The following PCDHA5 variants were observed in gnomAD, a reference collection of about 807,000 sequenced individuals.
PCDHA5 encodes protocadherin alpha-5.
PCDHA5 carries 43 observed loss-of-function variants against 61.6 expected under a neutral mutation model. That is an observed-to-expected ratio of 0.70 (90% confidence interval 0.55 to 0.90). PCDHA5 has a LOEUF of 0.90. PCDHA5 is among the 40% of genes least tolerant of loss of function. The pLI is 0.00. For missense variants in PCDHA5, 1,298 were observed against 1,222.7 expected (o/e 1.06, Z -0.92); for synonymous variants, 627 against 543.9 (o/e 1.15, Z -2.13).
intron 1 of PCDHA5, chr5:140,850,860 C>T (rs2150500728): frequency 6.3e-7 from 1 of 1,593,350 alleles, no homozygotes; most frequent in Non-Finnish European, 8.6e-7. Flanking sequence ...AACGGGAGAA[C>T]CCTCTGCTTC....
At chr5:140,985,682 C>T (rs1261119986) in intron 3 of PCDHA5, among the ~76,000 whole-genome samples, 3 of 151,710 alleles carry the variant, frequency 2.0e-5, no homozygotes, top group African/African-American at 4.8e-5. Flanking sequence ...GCCTGCCTTA[C>T]GCTAATCCTC....
chr5:140,925,641 T>TATAATAATA (rs10569930), intron 1 of PCDHA5, among the ~76,000 whole-genome samples: 4,530 of 143,294 alleles, frequency 0.032, 85 homozygotes, highest in Middle Eastern at 0.043. Flanking sequence ...GAACTTAAAG[T>TATAATAATA]ATAATAATAA....
rs189687890 is a variant in PCDHA5 at position 140,972,728 on chromosome 5, A to G, written c.2353-6221A>G. ...TGCCAGGCTGGAGTGCAGTGGCGTA[A>G]TCCCGGCTCACTGCAACCTCCGCCT... On this transcript the variant is annotated intron_variant, in intron 1 of 3. Transcript: ENST00000529859. Among the ~76,000 whole-genome samples the G allele has an allele frequency of 6.0e-3, 882 of 147,958 alleles. 8 individuals carry two copies. Among genetic ancestry groups the G allele is most frequent in the African/African-American group, 0.021 (847 of 39,742 alleles).
chr5:140,950,270 G>A (rs980703743), intron 1 of PCDHA5, among the ~76,000 whole-genome samples: 1 of 151,960 alleles, frequency 6.6e-6, no homozygotes, highest in East Asian at 1.9e-4. Flanking sequence ...TATCCATAAT[G>A]TCTTTTTGCT....
At chr5:140,841,119 T>C (rs2150311398) in intron 1 of PCDHA5, 1 of 628,942 alleles carries the variant, frequency 1.6e-6, no homozygotes, top group African/African-American at 1.8e-5. Context: ...ATTCATGTAA[T>C]CATTACCTTT....
At chr5:140,856,911 T>C in intron 1 of PCDHA5, 2 of 1,595,928 alleles carry the variant, frequency 1.3e-6, no homozygotes, top group South Asian at 2.2e-5. Context: ...CCACCCACGA[T>C]AAGAAGGAAA....
At chr5:140,870,909 C>T (rs2052531275) in intron 1 of PCDHA5, 1 of 1,613,956 alleles carries the variant, frequency 6.2e-7, no homozygotes, top group East Asian at 2.2e-5. Flanking sequence ...ACTCAGGCTA[C>T]AACGCGTGGC....
intron 1 of PCDHA5, among the ~76,000 whole-genome samples, chr5:140,924,973 GCTCATGT>G (rs1447379119): frequency 2.0e-5 from 3 of 151,826 alleles, no homozygotes; most frequent in African/African-American, 7.2e-5. Flanking sequence ...GAGTGCAGTG[GCTCATGT>G]CTGTAATCCT....
chr5:140,988,201 A>C (rs2097286908), intron 3 of PCDHA5, among the ~76,000 whole-genome samples: 1 of 152,064 alleles, frequency 6.6e-6, no homozygotes, highest in Non-Finnish European at 1.5e-5. Context: ...GCATATCCTT[A>C]TTAGGAAAAA....
At position 140,821,679 on chromosome 5, in the gene PCDHA5, C is replaced by T. The variant is rs2150110054; in HGVS notation, c.-97C>T. 709,926 of 1,321,150 alleles carry T rather than the reference C, an allele frequency of 0.54. 193,036 individuals carry two copies. Among genetic ancestry groups the T allele is most frequent in the African/African-American group, 0.73 (48,927 of 67,094 alleles). The allele number at this position is 1,321,150 out of a possible 1,614,324, so 81.8% of individuals were successfully genotyped here. On this transcript the variant is annotated 5_prime_UTR_variant, in exon 1 of 4. Transcript: ENST00000529859. Reference sequence around the variant, plus strand: ...GGCTGTGCCAAGAAGCTCAGAAAGGCGATAATATAAAAAATATATAGTTAA... The same window carrying T: ...GGCTGTGCCAAGAAGCTCAGAAAGGTGATAATATAAAAAATATATAGTTAA...
At chr5:140,969,260 C>G (rs782595245) in intron 1 of PCDHA5, 1 of 1,614,228 alleles carries the variant, frequency 6.2e-7, no homozygotes, top group South Asian at 1.1e-5. Context: ...CAGCAGGAAT[C>G]TCACAGGCCA....
chr5:140,913,099 C>T (rs1413383908), intron 1 of PCDHA5, among the ~76,000 whole-genome samples: 4 of 152,132 alleles, frequency 2.6e-5, no homozygotes, highest in Non-Finnish European at 4.4e-5. Context: ...ATACTGGCCT[C>T]ATAGAATCAG....
chr5:140,975,516 G>T (rs1310855349), intron 1 of PCDHA5, among the ~76,000 whole-genome samples: 1 of 152,166 alleles, frequency 6.6e-6, no homozygotes, highest in Non-Finnish European at 1.5e-5. Flanking sequence ...TGCAAAATCT[G>T]CAGTGGATAT....
At chr5:140,873,452 C>G (rs147398020) in intron 1 of PCDHA5, among the ~76,000 whole-genome samples, 1 of 152,006 alleles carries the variant, frequency 6.6e-6, no homozygotes, top group South Asian at 2.1e-4. Context: ...AACAAATTTG[C>G]ATTTTAGATA....
At chr5:140,838,694 G>A (rs765335937) in intron 1 of PCDHA5, among the ~76,000 whole-genome samples, 2 of 151,960 alleles carry the variant, frequency 1.3e-5, no homozygotes, top group African/African-American at 4.8e-5. Context: ...CCAACATTTC[G>A]GGAGGCCGAG....
intron 1 of PCDHA5, chr5:140,875,613 C>G (rs2055652849): frequency 8.1e-6 from 13 of 1,613,708 alleles, no homozygotes; most frequent in Non-Finnish European, 1.1e-5. Flanking sequence ...TCGTGGGCCG[C>G]ATCGCTCAGG....
chr5:140,887,385 C>T (rs1015937560), intron 1 of PCDHA5, among the ~76,000 whole-genome samples: 3 of 152,124 alleles, frequency 2.0e-5, no homozygotes, highest in Admixed American at 6.5e-5. Context: ...TGTGAGCCAC[C>T]GCGCCCGGCT....
chr5:140,967,287 A>G (rs1458692984), intron 1 of PCDHA5: 1 of 1,612,826 alleles, frequency 6.2e-7, no homozygotes, highest in Non-Finnish European at 8.5e-7. Flanking sequence ...AGTGCGCAGG[A>G]CCCCGACGTG....
chr5:140,875,949 T>C (rs1306170767), intron 1 of PCDHA5: 2 of 1,614,096 alleles, frequency 1.2e-6, no homozygotes, highest in African/African-American at 2.7e-5. Context: ...GCGCTTCTGA[T>C]GCGGATATCG....
Sources: gnomAD v4.1 joint callset for allele counts (sites outside exome capture counted in the v4.1 genomes callset) on GRCh38, gnomAD v4.1.1 for gene constraint, MANE v1.5 for transcripts, NCBI Gene and HGNC (gene_info 2026-07-23, HGNC 2026-07-21) for gene names.